FGGY: variants seen among roughly 807,000 people sequenced by gnomAD.
The protein encoded by FGGY is FGGY carbohydrate kinase domain-containing protein.
A neutral mutation model predicts 71.3 loss-of-function variants in FGGY; 72 were observed. The ratio of observed to expected loss-of-function variants is 1.01; its 90% CI spans 0.84 to 1.23. The LOEUF is 1.23. Ranked by LOEUF, FGGY falls within the 50% of genes most tolerant of loss-of-function variation. FGGY has a pLI of 0.00. For synonymous variants in FGGY, 251 were observed against 250.3 expected, an observed-to-expected ratio of 1.00 and a Z score of -0.02; for missense variants, 668 against 682.3, an observed-to-expected ratio of 0.98 and a Z score of 0.23.
At chr1:59,351,826 T>A (rs2053363931) in intron 4 of FGGY, among the ~76,000 whole-genome samples, 1 of 152,136 alleles carries the variant, frequency 6.6e-6, no homozygotes, top group South Asian at 2.1e-4. Flanking sequence ...ACTCACTTCG[T>A]TATTGCTGTC....
At chr1:59,348,342 C>A (rs953884880) in intron 4 of FGGY, among the ~76,000 whole-genome samples, 1 of 152,154 alleles carries the variant, frequency 6.6e-6, no homozygotes, top group Non-Finnish European at 1.5e-5. Context: ...CTTTCTCATC[C>A]CACCTGCACT....
At chr1:59,319,911 G>C (rs1218170404) in intron 1 of FGGY, among the ~76,000 whole-genome samples, 1 of 152,182 alleles carries the variant, frequency 6.6e-6, no homozygotes, top group East Asian at 1.9e-4. Context: ...GGCGATCTTT[G>C]CTTCAGAGCA....
At chr1:59,371,629 C>G (rs2057654724) in intron 4 of FGGY, among the ~76,000 whole-genome samples, 1 of 152,132 alleles carries the variant, frequency 6.6e-6, no homozygotes. Flanking sequence ...CGCACCACAC[C>G]TATTCCAAAA....
intron 6 of FGGY, among the ~76,000 whole-genome samples, chr1:59,497,032 G>A (rs1199024397): frequency 1.3e-5 from 2 of 152,212 alleles, no homozygotes; most frequent in African/African-American, 4.8e-5. Context: ...ACAACTCTGG[G>A]TGTGAAACAG....
chr1:59,346,157 G>A (rs1557621878), intron 3 of FGGY, 90 bp from the exon 4 acceptor site: 11 of 1,490,240 alleles, frequency 7.4e-6, no homozygotes, highest in Non-Finnish European at 1.0e-5. Flanking sequence ...AAAGTACATA[G>A]CATTTTGATC....
At chr1:59,761,128 G>T (rs2098337383) in intron 15 of FGGY, among the ~76,000 whole-genome samples, 1 of 152,094 alleles carries the variant, frequency 6.6e-6, no homozygotes, top group African/African-American at 2.4e-5. Flanking sequence ...TGCTGAAGTA[G>T]ATCCCATAAT....
At chr1:59,402,688 G>C (rs1461431249) in intron 5 of FGGY, among the ~76,000 whole-genome samples, 1 of 152,166 alleles carries the variant, frequency 6.6e-6, no homozygotes, top group African/African-American at 2.4e-5. Flanking sequence ...CCAGGCATTA[G>C]GGACACTGAG....
At chr1:59,448,477 C>G (rs2071852632) in intron 5 of FGGY, among the ~76,000 whole-genome samples, 1 of 152,024 alleles carries the variant, frequency 6.6e-6, no homozygotes, top group African/African-American at 2.4e-5. Context: ...TGCAAGGAAC[C>G]CAGTGTTCTG....
chr1:59,391,118 A>G (rs2060637042), intron 5 of FGGY, among the ~76,000 whole-genome samples: 1 of 152,198 alleles, frequency 6.6e-6, no homozygotes, highest in Admixed American at 6.5e-5. Context: ...TTAGAAACCT[A>G]GTAAACCTGT....
At position 59,484,157 on chromosome 1, in the gene FGGY, A is replaced by C. The variant is rs182902833; in HGVS notation, c.670+27081A>C. 9.2e-5 allele frequency among the ~76,000 whole-genome samples: 14 copies of C among 152,290 alleles called. No homozygotes were observed. The South Asian group carries it at 2.1e-3, about 23-fold the overall frequency. On this transcript the variant is annotated intron_variant, in intron 6 of 15. Transcript: ENST00000303721. The stretch of plus-strand genomic sequence containing the variant: ...TGTCCCAAAGTCTCATGGTTATTTG[A>C]TGGAGGAACAGGAATTCAAAAGCAG...
intron 7 of FGGY, among the ~76,000 whole-genome samples, chr1:59,540,775 A>G (rs2095427868): frequency 6.6e-6 from 1 of 152,190 alleles, no homozygotes; most frequent in African/African-American, 2.4e-5. Context: ...TGAAGAACGG[A>G]GAGGAGGAGG....
chr1:59,342,901 A>G (rs938051672), intron 3 of FGGY, among the ~76,000 whole-genome samples: 13 of 152,220 alleles, frequency 8.5e-5, no homozygotes, highest in African/African-American at 3.1e-4. Flanking sequence ...CTATGATAAA[A>G]TAGTCTCATT....
chr1:59,698,366 C>T (rs12136587), intron 14 of FGGY, among the ~76,000 whole-genome samples: 28,683 of 151,994 alleles, frequency 0.19, 3,127 homozygotes, highest in Admixed American at 0.31. Flanking sequence ...ATGCCCACCC[C>T]GCAGTTCCCA....
chr1:59,567,323 A>G (rs1032802756), intron 8 of FGGY, among the ~76,000 whole-genome samples: 6 of 151,986 alleles, frequency 3.9e-5, no homozygotes, highest in Non-Finnish European at 7.4e-5. Flanking sequence ...GGCCAAAAAT[A>G]TATATATATA....
At chr1:59,521,550 G>T (rs1368310053) in intron 7 of FGGY, among the ~76,000 whole-genome samples, 1 of 152,136 alleles carries the variant, frequency 6.6e-6, no homozygotes, top group Non-Finnish European at 1.5e-5. Context: ...AATATTTTGA[G>T]TTTAATACAT....
chr1:59,304,713 C>G (rs560053071), intron 1 of FGGY, among the ~76,000 whole-genome samples: 9 of 151,832 alleles, frequency 5.9e-5, no homozygotes, highest in African/African-American at 2.2e-4. Flanking sequence ...GGATATGTTT[C>G]CATTTATTTG....
intron 6 of FGGY, among the ~76,000 whole-genome samples, chr1:59,465,958 TC>T (rs1178178068): frequency 6.6e-6 from 1 of 152,040 alleles, no homozygotes; most frequent in Non-Finnish European, 1.5e-5. Context: ...TCCATGCCAT[TC>T]CCATCAAGCT....
chr1:59,584,236 A>G (rs1419492283), intron 8 of FGGY, among the ~76,000 whole-genome samples: 1 of 149,696 alleles, frequency 6.7e-6, no homozygotes, highest in Non-Finnish European at 1.5e-5. Context: ...TTTTAGACCA[A>G]TATCCCTGAT....
intron 14 of FGGY, among the ~76,000 whole-genome samples, chr1:59,743,661 G>A (rs1464605689): frequency 6.6e-6 from 1 of 151,306 alleles, no homozygotes; most frequent in Non-Finnish European, 1.5e-5. Flanking sequence ...CCAGAAGGAA[G>A]CAGACTGGAT....
Sources: gnomAD v4.1 joint callset for allele counts (sites outside exome capture counted in the v4.1 genomes callset) on GRCh38, gnomAD v4.1.1 for gene constraint, MANE v1.5 for transcripts, NCBI Gene and HGNC (gene_info 2026-07-23, HGNC 2026-07-21) for gene names.